Variants in GALNT18 observed in about 807,000 individuals in gnomAD.
GALNT18 encodes the protein GalNAc-transferase 18.
A neutral mutation model predicts 69.5 loss-of-function variants in GALNT18; 44 were observed. The observed-to-expected ratio is 0.63, with a 90% CI of 0.50 to 0.81. GALNT18 has a LOEUF of 0.81. Among genes scored for constraint, GALNT18 ranks in the 40% least tolerant of loss-of-function variants. The pLI is 0.00. For missense variants in GALNT18, 715 were observed against 810.0 expected (o/e 0.88, Z 1.42); for synonymous variants, 364 against 318.2 (o/e 1.14, Z -1.53).
In GALNT18 at chr11:11,459,878, C is replaced by A. The variant is rs972446354; in HGVS notation, c.236-10942G>T. On this transcript the variant is annotated intron_variant, in intron 1 of 10. Transcript: ENST00000227756. This position sits in a 1 kb window ranked among gnomAD's most constrained non-coding sequence, Gnocchi z 5.0. ...GACAGGCATCTCACCGGGCTAAAAT[C>A]AAGGTGTTGGTAGGGCCATTCTCCT... 6.6e-6 allele frequency among the ~76,000 whole-genome samples: 1 copy of A among 152,202 alleles called. No individual in the cohort carries two copies. Among genetic ancestry groups the A allele is most frequent in the East Asian group, 1.9e-4 (1 of 5,196 alleles).
chr11:11,298,067 G>A (rs1849432138), intron 9 of GALNT18, among the ~76,000 whole-genome samples: 1 of 152,204 alleles, frequency 6.6e-6, no homozygotes, highest in Non-Finnish European at 1.5e-5. Flanking sequence ...CCACAGAGTC[G>A]AGGCTGGGTA....
chr11:11,330,246 G>A (rs1849994966), intron 8 of GALNT18, among the ~76,000 whole-genome samples: 1 of 152,162 alleles, frequency 6.6e-6, no homozygotes, highest in Non-Finnish European at 1.5e-5. Flanking sequence ...CCTGAACAAT[G>A]TCATTTGGGC....
chr11:11,621,637 T>C lies in GALNT18; in HGVS notation c.-44A>G, dbSNP rs753241266. On this transcript the variant is annotated 5_prime_UTR_variant, in exon 1 of 11. Coordinates refer to ENST00000227756, the MANE Select transcript of GALNT18 (RefSeq NM_198516.3). This position sits in a 1 kb window ranked among gnomAD's most constrained non-coding sequence, Gnocchi z 9.3. ...TATAGAGCTCCCGGGGGCCCTTCCTTGTCGTGCGCCCCGAACTCCCCCGCG... is the reference window on the plus strand; with the variant it reads ...TATAGAGCTCCCGGGGGCCCTTCCTCGTCGTGCGCCCCGAACTCCCCCGCG... The C allele has an allele frequency of 1.4e-6, 2 of 1,452,908 alleles. No homozygotes were observed. Among genetic ancestry groups the C allele is most frequent in the Non-Finnish European group, 1.9e-6 (2 of 1,061,172 alleles). The allele number at this position is 1,452,908 out of a possible 1,614,324, so 90.0% of individuals were successfully genotyped here. A position where few individuals can be genotyped will look rare whatever the true frequency, so the allele number is the denominator to read the frequency against.
At chr11:11,482,468 G>A (rs752382494) in intron 1 of GALNT18, among the ~76,000 whole-genome samples, 17 of 152,204 alleles carry the variant, frequency 1.1e-4, no homozygotes, top group Non-Finnish European at 1.9e-4. Context: ...AATGTACAGA[G>A]GCAGAGAGAA....
Position 11,621,249 on chromosome 11 carries a change from C to T in GALNT18, c.235+110G>A, listed in dbSNP as rs1031669056. ...CCCACGACTACCACGCATCTGCGGC[C>T]CCAGAGCCCCGCCGTGGCTGAGTTG... On this transcript the variant is annotated intron_variant, in intron 1 of 10. Transcript: ENST00000227756. This position sits in a 1 kb window ranked among gnomAD's most constrained non-coding sequence, Gnocchi z 9.3. The T allele has an allele frequency of 1.2e-6, 1 of 868,618 alleles. No individual in the cohort carries two copies. The highest frequency in any genetic ancestry group is 3.4e-4 in the Middle Eastern group (1 of 2,958). The allele number at this position is 868,618 out of a possible 1,614,324, so 53.8% of individuals were successfully genotyped here. A position where few individuals can be genotyped will look rare whatever the true frequency, so the allele number is the denominator to read the frequency against.
intron 1 of GALNT18, among the ~76,000 whole-genome samples, chr11:11,534,669 C>T (rs1857734680): frequency 6.6e-6 from 1 of 152,254 alleles, no homozygotes; most frequent in East Asian, 1.9e-4. Context: ...TCCACCTTTT[C>T]CTCAATCCAT....
In GALNT18 at chr11:11,341,515, C is replaced by T. The variant is rs765856154; in HGVS notation, c.1093-511G>A. On this transcript the variant is annotated intron_variant, in intron 6 of 10. Transcript: ENST00000227756. The surrounding 1 kb of genome is among the most constrained non-coding windows in gnomAD (Gnocchi z 6.3). Reference sequence around the variant, plus strand: ...ACACCCTTCTTCTAGTGCATCTTTCCGAGGCTCTGGGTTCTGACTGAATCT... The same window carrying T: ...ACACCCTTCTTCTAGTGCATCTTTCTGAGGCTCTGGGTTCTGACTGAATCT... Among the ~76,000 whole-genome samples, 9 of 152,134 alleles carry T rather than the reference C, an allele frequency of 5.9e-5. No individual in the cohort carries two copies. The highest frequency in any genetic ancestry group is 2.1e-4 in the South Asian group (1 of 4,824).
intron 1 of GALNT18, among the ~76,000 whole-genome samples, chr11:11,506,681 T>C (rs1356836505): frequency 6.6e-6 from 1 of 152,208 alleles, no homozygotes; most frequent in African/African-American, 2.4e-5. Flanking sequence ...ACTGTGTTAT[T>C]AGAAAAGTGA....
At position 11,619,973 on chromosome 11, in the gene GALNT18, A is replaced by T. The variant is rs1434237007; in HGVS notation, c.235+1386T>A. Among the ~76,000 whole-genome samples, 1 of 151,962 alleles carries T rather than the reference A, an allele frequency of 6.6e-6. No homozygotes were observed. The highest frequency in any genetic ancestry group is 1.5e-5 in the Non-Finnish European group (1 of 67,990). On this transcript the variant is annotated intron_variant, in intron 1 of 10. Transcript: ENST00000227756. This position sits in a 1 kb window ranked among gnomAD's most constrained non-coding sequence, Gnocchi z 4.9. ...GGATGTGGATGCCTCTCCTGCACTCACCTGAACCTCCCTGAACCTTCCCCT... is the reference window on the plus strand; with the variant it reads ...GGATGTGGATGCCTCTCCTGCACTCTCCTGAACCTCCCTGAACCTTCCCCT...
intron 1 of GALNT18, among the ~76,000 whole-genome samples, chr11:11,508,588 T>C (rs4412749): frequency 0.75 from 113,707 of 152,202 alleles, 42,902 homozygotes; most frequent in East Asian, 0.85. Context: ...TTGTTGTTGT[T>C]TTTTAGTCGC....
rs1855236888 is a variant in GALNT18, at chr11:11,430,274, G to C, written c.595+2347C>G. ...TTGAAGTAATTATAGATTCACAAAA[G>C]TGTACAAGAAGGTTTCATATGCCCC... is the stretch of plus-strand genomic sequence containing the variant. On this transcript the variant is annotated intron_variant, in intron 3 of 10. Coordinates refer to ENST00000227756, the MANE Select transcript of GALNT18 (RefSeq NM_198516.3). The surrounding 1 kb of genome is among the most constrained non-coding windows in gnomAD (Gnocchi z 4.9). Among the ~76,000 whole-genome samples, 1 of 152,220 alleles carries C rather than the reference G, an allele frequency of 6.6e-6. No homozygotes were observed. The highest frequency in any genetic ancestry group is 1.5e-5 in the Non-Finnish European group (1 of 68,048).
At chr11:11,391,883 G>A (rs552549759) in intron 3 of GALNT18, among the ~76,000 whole-genome samples, 8 of 152,356 alleles carry the variant, frequency 5.3e-5, no homozygotes, top group East Asian at 1.9e-4. Flanking sequence ...AGGTAAGGCC[G>A]GAGCCATACC....
intron 3 of GALNT18, among the ~76,000 whole-genome samples, chr11:11,388,811 A>G (rs1854112881): frequency 6.6e-6 from 1 of 152,230 alleles, no homozygotes; most frequent in South Asian, 2.1e-4. Flanking sequence ...TTATGCACAT[A>G]TGATGTGCAC....
intron 7 of GALNT18, among the ~76,000 whole-genome samples, chr11:11,334,848 G>A (rs974833115): frequency 2.0e-5 from 3 of 152,174 alleles, no homozygotes; most frequent in Non-Finnish European, 2.9e-5. Flanking sequence ...GCCTAGCACT[G>A]AGCATGAGCT....
intron 1 of GALNT18, among the ~76,000 whole-genome samples, chr11:11,501,906 C>T (rs1856979715): frequency 6.6e-6 from 1 of 152,198 alleles, no homozygotes; most frequent in Non-Finnish European, 1.5e-5. Context: ...CCTCTTGCAG[C>T]AAATGCAGCT....
At chr11:11,291,136 A>G (rs1849289210) in intron 10 of GALNT18, among the ~76,000 whole-genome samples, 1 of 152,138 alleles carries the variant, frequency 6.6e-6, no homozygotes, top group Non-Finnish European at 1.5e-5. Flanking sequence ...TGGCAGAGGA[A>G]AGTGATGAAG....
chr11:11,333,482 C>T (rs192217447), intron 7 of GALNT18, among the ~76,000 whole-genome samples: 2 of 152,250 alleles, frequency 1.3e-5, no homozygotes, highest in Non-Finnish European at 2.9e-5. Context: ...GTAACTTGCC[C>T]AAGACTCCAC....
rs1039744524 is a variant in GALNT18 at position 11,590,837 on chromosome 11, G to A, written c.235+30522C>T. On this transcript the variant is annotated intron_variant, in intron 1 of 10. Coordinates refer to ENST00000227756, the MANE Select transcript of GALNT18 (RefSeq NM_198516.3). The surrounding 1 kb of genome is among the most constrained non-coding windows in gnomAD (Gnocchi z 4.4). ...TGATGCTTATGTAAACAAACCTACCGCACTACCGGTCATATAAAAGTATAG... is the reference window on the plus strand; with the variant it reads ...TGATGCTTATGTAAACAAACCTACCACACTACCGGTCATATAAAAGTATAG... Among the ~76,000 whole-genome samples the A allele has an allele frequency of 4.6e-5, 7 of 151,996 alleles. No homozygotes were observed. Among genetic ancestry groups the A allele is most frequent in the African/African-American group, 1.7e-4 (7 of 41,418 alleles).
chr11:11,568,036 C>G (rs964043188), intron 1 of GALNT18, among the ~76,000 whole-genome samples: 17 of 152,196 alleles, frequency 1.1e-4, no homozygotes, highest in Admixed American at 1.1e-3. Context: ...TTTTGGCCAA[C>G]AGAGTGTGAG....
Sources: gnomAD v4.1 joint callset for allele counts (sites outside exome capture counted in the v4.1 genomes callset) on GRCh38, gnomAD v4.1.1 for gene constraint, Gnocchi (gnomAD v3.1) non-coding constraint, MANE v1.5 for transcripts, NCBI Gene and HGNC (gene_info 2026-07-23, HGNC 2026-07-21) for gene names.